CIMAP3: variants seen among roughly 807,000 people sequenced by gnomAD.
The protein encoded by CIMAP3 is ciliary microtubule associated protein 3, also known as ciliary microtubule-associated protein 3.
At chr1:111,329,814 A>G in the CIMAP3 span, among the ~76,000 whole-genome samples, 1 of 151,990 alleles carries the variant, frequency 6.6e-6, no homozygotes, top group African/African-American at 2.4e-5. Context: ...TCAGCCTCCC[A>G]AAGTGCTGAG....
chr1:111,351,167 T>TTG, the CIMAP3 span: 1 of 88,436 alleles, frequency 1.1e-5, no homozygotes, highest in Non-Finnish European at 1.7e-5. Context: ...TAATGTACAG[T>TTG]TTTTTTTTTT....
At chr1:111,352,409 A>C in the CIMAP3 span, 1 of 152,612 alleles carries the variant, frequency 6.6e-6, no homozygotes, top group Non-Finnish European at 1.5e-5. Flanking sequence ...CCCCCTGATG[A>C]GTGTTACCTG....
chr1:111,340,820 C>T, the CIMAP3 span, among the ~76,000 whole-genome samples: 3 of 152,062 alleles, frequency 2.0e-5, no homozygotes, highest in Admixed American at 6.5e-5. Context: ...GGATCTAGAA[C>T]TAGAAATACC....
chr1:111,324,849 A>G, the CIMAP3 span: 3 of 985,190 alleles, frequency 3.0e-6, no homozygotes, highest in African/African-American at 1.7e-5. Flanking sequence ...ACAAAACCAT[A>G]TCATGGATCA....
chr1:111,340,832 T>C, the CIMAP3 span, among the ~76,000 whole-genome samples: 2 of 152,072 alleles, frequency 1.3e-5, no homozygotes, highest in Non-Finnish European at 2.9e-5. Flanking sequence ...AGAAATACCA[T>C]TTGACCCAGC....
chr1:111,345,294 A>G, the CIMAP3 span, among the ~76,000 whole-genome samples: 3 of 152,182 alleles, frequency 2.0e-5, no homozygotes, highest in Non-Finnish European at 4.4e-5. Context: ...TCTTTATTCC[A>G]TTTAAGCTTG....
the CIMAP3 span, chr1:111,347,752 A>T: frequency 5.0e-6 from 8 of 1,612,092 alleles, no homozygotes; most frequent in East Asian, 1.8e-4. Context: ...AACAGCTGTG[A>T]GGTTTAAGCC....
At chr1:111,330,386 G>A in the CIMAP3 span, among the ~76,000 whole-genome samples, 890 of 152,320 alleles carry the variant, frequency 5.8e-3, 6 homozygotes, top group Non-Finnish European at 1.0e-2. Flanking sequence ...TCACCAGGCT[G>A]AGGCTTTGTG....
At chr1:111,351,290 G>A in the CIMAP3 span, 290 of 1,594,056 alleles carry the variant, frequency 1.8e-4, 2 homozygotes, top group South Asian at 6.6e-4. Flanking sequence ...AGAAAGCATC[G>A]GAACCGTGTG....
At chr1:111,350,019 G>A in the CIMAP3 span, 1 of 1,009,820 alleles carries the variant, frequency 9.9e-7, no homozygotes. Flanking sequence ...AAGAGGTTAG[G>A]CCTAGTCCAG....
At chr1:111,345,160 T>C in the CIMAP3 span, among the ~76,000 whole-genome samples, 1 of 152,194 alleles carries the variant, frequency 6.6e-6, no homozygotes. Context: ...TTAGAAAACA[T>C]CCTCATCACT....
chr1:111,347,088 C>G, the CIMAP3 span: 4 of 1,543,472 alleles, frequency 2.6e-6, no homozygotes, highest in Admixed American at 6.2e-5. Flanking sequence ...CTCAGTTCCC[C>G]GGCTATTGAG....
the CIMAP3 span, among the ~76,000 whole-genome samples, chr1:111,331,347 G>A: frequency 1.3e-3 from 199 of 152,194 alleles, no homozygotes; most frequent in African/African-American, 4.5e-3. Context: ...TGGACTTAAT[G>A]ATGTCCATAA....
the CIMAP3 span, chr1:111,351,465 G>C: frequency 1.6e-6 from 1 of 637,338 alleles, no homozygotes; most frequent in Non-Finnish European, 2.6e-6. Flanking sequence ...GGGGCTTATA[G>C]CTGCTGTATG....
At chr1:111,337,294 G>A in the CIMAP3 span, among the ~76,000 whole-genome samples, 14 of 152,246 alleles carry the variant, frequency 9.2e-5, no homozygotes, top group Middle Eastern at 3.4e-3. Context: ...ATCAACTAAC[G>A]TGCAAAATAG....
chr1:111,331,611 T>G, the CIMAP3 span, among the ~76,000 whole-genome samples: 3 of 152,208 alleles, frequency 2.0e-5, no homozygotes, highest in Non-Finnish European at 2.9e-5. Context: ...CTTATTTCAT[T>G]GAATTTTCTA....
At chr1:111,333,665 AG>A in the CIMAP3 span, among the ~76,000 whole-genome samples, 1 of 152,152 alleles carries the variant, frequency 6.6e-6, no homozygotes, top group East Asian at 1.9e-4. Flanking sequence ...GGGGAAGGAG[AG>A]GCTGCAGAGG....
chr1:111,326,607 C>A, the CIMAP3 span, among the ~76,000 whole-genome samples: 2 of 152,046 alleles, frequency 1.3e-5, no homozygotes, highest in East Asian at 3.8e-4. Context: ...ATGCAGGTAT[C>A]CCTTTGATAT....
At chr1:111,327,449 A>G in the CIMAP3 span, among the ~76,000 whole-genome samples, 2 of 151,774 alleles carry the variant, frequency 1.3e-5, no homozygotes, top group Non-Finnish European at 2.9e-5. Context: ...TCTTCTTTGT[A>G]CTTCTGGTAG....
Sources: gnomAD v4.1 joint callset for allele counts (sites outside exome capture counted in the v4.1 genomes callset) on GRCh38, gnomAD v4.1.1 for gene constraint, MANE v1.5 for transcripts, NCBI Gene and HGNC (gene_info 2026-07-23, HGNC 2026-07-21) for gene names.